The following MBOAT2 variants were observed in gnomAD, a reference collection of about 807,000 sequenced individuals.
The protein encoded by MBOAT2 is membrane bound glycerophospholipid O-acyltransferase 2.
A neutral mutation model predicts 63.4 loss-of-function variants in MBOAT2; 28 were observed. That is an observed-to-expected ratio of 0.44 (90% CI 0.33 to 0.61). The LOEUF is 0.61. Ranked by LOEUF, MBOAT2 falls within the 20% of genes least tolerant of loss-of-function variation. MBOAT2 has a pLI of 0.03. For missense variants in MBOAT2, 470 were observed against 605.8 expected, an observed-to-expected ratio of 0.78 and a Z score of 2.35; for synonymous variants, 211 against 215.6, an observed-to-expected ratio of 0.98 and a Z score of 0.19.
chr2:8,868,695 A>G (rs1256088896), intron 8 of MBOAT2, 146 bp from the exon 9 acceptor site: 8 of 656,438 alleles, frequency 1.2e-5, no homozygotes, highest in Non-Finnish European at 1.8e-5. Context: ...ACAACATCGC[A>G]TACAATGAAA....
chr2:8,955,187 C>A (rs1266052718), intron 2 of MBOAT2, among the ~76,000 whole-genome samples: 1 of 152,244 alleles, frequency 6.6e-6, no homozygotes, highest in Admixed American at 6.5e-5. Flanking sequence ...CAAGGAATGG[C>A]TGGCTTCATA....
chr2:8,957,796 G>A (rs78729060), intron 2 of MBOAT2, among the ~76,000 whole-genome samples: 21 of 152,296 alleles, frequency 1.4e-4, no homozygotes, highest in African/African-American at 3.6e-4. Flanking sequence ...AGAGACTGCC[G>A]CTGAGAGTTT....
rs761232552 is a variant in MBOAT2 at position 8,862,603 on chromosome 2, A to C, written c.1172T>G (p.Leu391Ter). 2 of 1,608,146 alleles carry C rather than the reference A, an allele frequency of 1.2e-6. No individual in the cohort carries two copies. The highest frequency in any genetic ancestry group is 1.7e-6 in the Non-Finnish European group (2 of 1,178,458). The change falls in exon 11 of 13, where the codon TTA (leucine) becomes TGA (stop). Residue 391 changes from leucine (L) to a stop codon, truncating the protein, a stop_gained. Coordinates refer to ENST00000305997, the MANE Select transcript of MBOAT2 (RefSeq NM_138799.4). LOFTEE classifies it high-confidence loss of function. This position sits in a 1 kb window ranked among gnomAD's most constrained non-coding sequence, Gnocchi z 4.3. ...LTFLTGVLMT[L>*]AARAMRNNFR... is the part of the protein sequence containing the mutation. Reference sequence around the variant, plus strand: ...CTTGATACTTACAGCTCTTGCTGCTAATGTCATTAACACCCCTGTTAGAAA... The same window carrying C: ...CTTGATACTTACAGCTCTTGCTGCTCATGTCATTAACACCCCTGTTAGAAA...
At chr2:8,980,601 A>C (rs976346622) in intron 1 of MBOAT2, among the ~76,000 whole-genome samples, 1 of 152,152 alleles carries the variant, frequency 6.6e-6, no homozygotes, top group Non-Finnish European at 1.5e-5. Flanking sequence ...ATACAAGGCA[A>C]CAAAAACAAG....
At chr2:8,944,192 A>G (rs1427231588) in intron 2 of MBOAT2, among the ~76,000 whole-genome samples, 1 of 152,192 alleles carries the variant, frequency 6.6e-6, no homozygotes, top group Non-Finnish European at 1.5e-5. Flanking sequence ...ATATTCCAAT[A>G]TTCTTGAAAT....
At chr2:8,909,667 T>G (rs1483177137) in intron 3 of MBOAT2, among the ~76,000 whole-genome samples, 1 of 150,574 alleles carries the variant, frequency 6.6e-6, no homozygotes, top group African/African-American at 2.4e-5. Context: ...TTTTGACAAA[T>G]AGTTAATTAT....
chr2:8,889,117 C>T (rs1013235235), intron 4 of MBOAT2, among the ~76,000 whole-genome samples: 2 of 152,132 alleles, frequency 1.3e-5, no homozygotes, highest in Admixed American at 6.5e-5. Context: ...CCATGCACTG[C>T]CAAGGAAAGG....
intron 11 of MBOAT2, among the ~76,000 whole-genome samples, chr2:8,861,793 G>GCACA (rs375157791): frequency 9.2e-5 from 14 of 151,900 alleles, no homozygotes; most frequent in African/African-American, 3.4e-4. Flanking sequence ...TCTGTCTTAT[G>GCACA]CACACACACA....
At chr2:8,982,912 G>T (rs1484177123) in intron 1 of MBOAT2, among the ~76,000 whole-genome samples, 1 of 152,116 alleles carries the variant, frequency 6.6e-6, no homozygotes, top group East Asian at 1.9e-4. Flanking sequence ...AGCAACCTGG[G>T]GGCAGGGACC....
intron 3 of MBOAT2, among the ~76,000 whole-genome samples, chr2:8,932,993 A>G (rs1667429422): frequency 6.6e-6 from 1 of 152,246 alleles, no homozygotes; most frequent in Admixed American, 6.5e-5. Flanking sequence ...CCAAAAGTTG[A>G]AAAAATACCC....
chr2:8,993,977 T>A (rs761793427), intron 1 of MBOAT2, among the ~76,000 whole-genome samples: 1 of 152,116 alleles, frequency 6.6e-6, no homozygotes, highest in African/African-American at 2.4e-5. Flanking sequence ...TAACCACAAC[T>A]CCGTAGGGAG....
Position 8,862,528 on chromosome 2 carries a change from C to T in MBOAT2, c.1185+62G>A. 1.9e-6 allele frequency: 3 copies of T among 1,552,962 alleles called. No individual in the cohort carries two copies. Among genetic ancestry groups the T allele is most frequent in the Non-Finnish European group, 2.6e-6 (3 of 1,144,718 alleles). On this transcript the variant is annotated intron_variant, in intron 11 of 12. Transcript: ENST00000305997. This position sits in a 1 kb window ranked among gnomAD's most constrained non-coding sequence, Gnocchi z 4.3. ...GGGTCTACCTTGTAAGAGAGATGTA[C>T]TCAGCCTTTTTAACAGTTCAAGTGG...
chr2:8,981,704 A>C (rs1671204223), intron 1 of MBOAT2, among the ~76,000 whole-genome samples: 1 of 152,138 alleles, frequency 6.6e-6, no homozygotes, highest in Non-Finnish European at 1.5e-5. Flanking sequence ...GACAGAGAGG[A>C]AGGGAGACAG....
chr2:9,000,003 C>CT (rs1161879879), intron 1 of MBOAT2, among the ~76,000 whole-genome samples: 1 of 152,212 alleles, frequency 6.6e-6, no homozygotes, highest in African/African-American at 2.4e-5. Flanking sequence ...AAAACACTTC[C>CT]TCCTTTCTGC....
intron 3 of MBOAT2, among the ~76,000 whole-genome samples, chr2:8,929,184 C>T (rs1667139129): frequency 6.6e-6 from 1 of 152,144 alleles, no homozygotes; most frequent in Non-Finnish European, 1.5e-5. Flanking sequence ...TTCCAGTCCC[C>T]CAAAATCTGG....
chr2:8,906,274 A>G (rs1440839210), intron 4 of MBOAT2, among the ~76,000 whole-genome samples: 1 of 152,208 alleles, frequency 6.6e-6, no homozygotes, highest in Non-Finnish European at 1.5e-5. Flanking sequence ...AAATACTTCT[A>G]AAGTCACGTC....
intron 1 of MBOAT2, among the ~76,000 whole-genome samples, chr2:8,990,687 T>A (rs1389300929): frequency 6.6e-6 from 1 of 152,182 alleles, no homozygotes; most frequent in Non-Finnish European, 1.5e-5. Flanking sequence ...TCAATTCACA[T>A]AAAAATTGCA....
At chr2:8,963,516 C>T (rs1000007777) in intron 1 of MBOAT2, among the ~76,000 whole-genome samples, 2 of 151,982 alleles carry the variant, frequency 1.3e-5, no homozygotes, top group African/African-American at 2.4e-5. Context: ...GTTGGTCAGG[C>T]GGTCTTGAAC....
At chr2:8,943,336 A>T in intron 2 of MBOAT2, 72 bp from the exon 3 acceptor site, 1 of 895,590 alleles carries the variant, frequency 1.1e-6, no homozygotes, top group Non-Finnish European at 1.7e-6. Context: ...GAATTAAGCT[A>T]AAAAATACTT....
Sources: gnomAD v4.1 joint callset for allele counts (sites outside exome capture counted in the v4.1 genomes callset) on GRCh38, gnomAD v4.1.1 for gene constraint, Gnocchi (gnomAD v3.1) non-coding constraint, MANE v1.5 for transcripts, NCBI Gene and HGNC (gene_info 2026-07-23, HGNC 2026-07-21) for gene names.